Variants in KLHL8 observed in about 807,000 individuals in gnomAD.
KLHL8 encodes kelch-like protein 8.
KLHL8 carries 38 observed loss-of-function variants against 63.5 expected under a neutral mutation model. The ratio of observed to expected loss-of-function variants is 0.60; its 90% CI spans 0.46 to 0.78. KLHL8 has a LOEUF of 0.78. Ranked by LOEUF, KLHL8 falls within the 30% of genes least tolerant of loss-of-function variation. KLHL8 has a pLI of 0.00. For synonymous variants in KLHL8, 224 were observed against 254.3 expected (o/e 0.88, Z 1.13); for missense variants, 566 against 752.4 (o/e 0.75, Z 2.90).
chr4:87,192,235 G>A (rs1022631722), intron 2 of KLHL8, among the ~76,000 whole-genome samples: 3 of 152,148 alleles, frequency 2.0e-5, no homozygotes, highest in African/African-American at 7.2e-5. Flanking sequence ...CACCAACAGT[G>A]TATAAGTGTT....
chr4:87,163,666 T>G, intron 9 of KLHL8, 24 bp from the exon 10 acceptor site: 1 of 1,611,554 alleles, frequency 6.2e-7, no homozygotes, highest in South Asian at 1.1e-5. Flanking sequence ...GAAGAAAAAA[T>G]GTTACAAAGC....
intron 8 of KLHL8, among the ~76,000 whole-genome samples, chr4:87,166,026 CAT>C (rs1428912014): frequency 6.6e-6 from 1 of 152,158 alleles, no homozygotes; most frequent in Non-Finnish European, 1.5e-5. Context: ...ACATATAACA[CAT>C]GTCAATGCCT....
chr4:87,186,360 G>T (rs1731254060), intron 2 of KLHL8, among the ~76,000 whole-genome samples: 2 of 151,618 alleles, frequency 1.3e-5, no homozygotes, highest in African/African-American at 4.9e-5. Flanking sequence ...TTTTATATAT[G>T]TATCTGTAAC....
Position 87,185,664 on chromosome 4 carries a change from T to C in KLHL8, c.352A>G (p.Ile118Val), listed in dbSNP as rs771991621. The change falls in exon 3 of 10, where the codon ATA becomes GTA. Residue 118 changes from isoleucine to valine, a missense_variant. Physicochemically the swap from Ile to Val is conservative, Grantham distance 29 (BLOSUM62 3). Transcript: ENST00000273963. ...IEIRDFDGDA[I>V]EDLVKFVYSS... ...TAGACAAACTTTACCAAGTCTTCTA[T>C]TGCATCACCATCAAAATCTCTAATC... 1.5e-5 allele frequency: 25 copies of C among 1,614,202 alleles called. No homozygotes were observed. Among genetic ancestry groups the C allele is most frequent in the Non-Finnish European group, 1.8e-5 (21 of 1,180,036 alleles).
At chr4:87,207,986 T>G (rs144616674) in intron 1 of KLHL8, 1 of 753,490 alleles carries the variant, frequency 1.3e-6, no homozygotes, top group African/African-American at 1.7e-5. Flanking sequence ...AGGGCTGGCA[T>G]TGCCCTCAAC....
chr4:87,198,398 T>C (rs1187368277), intron 1 of KLHL8, among the ~76,000 whole-genome samples: 4 of 152,228 alleles, frequency 2.6e-5, no homozygotes, highest in Admixed American at 2.6e-4. Flanking sequence ...CTGAGTAAGA[T>C]GGTTGATTTA....
intron 1 of KLHL8, among the ~76,000 whole-genome samples, chr4:87,233,562 ACT>A (rs1733173767): frequency 6.6e-6 from 1 of 152,010 alleles, no homozygotes; most frequent in African/African-American, 2.4e-5. Flanking sequence ...ACAGAGTGAG[ACT>A]CTCTCAAAAA....
intron 2 of KLHL8, among the ~76,000 whole-genome samples, chr4:87,186,649 T>C (rs1731270450): frequency 6.6e-6 from 1 of 151,928 alleles, no homozygotes; most frequent in South Asian, 2.1e-4. Context: ...CAGCTAATTT[T>C]TGTATTTTTC....
chr4:87,181,285 A>G (rs1009245763), intron 4 of KLHL8, among the ~76,000 whole-genome samples: 23 of 101,400 alleles, frequency 2.3e-4, no homozygotes, highest in South Asian at 1.9e-3. Context: ...AAAAAAAAAG[A>G]AAAAAAAAAA....
chr4:87,203,223 G>A (rs538543779), intron 1 of KLHL8, among the ~76,000 whole-genome samples: 2 of 152,226 alleles, frequency 1.3e-5, no homozygotes, highest in South Asian at 2.1e-4. Context: ...GAACTAGTAA[G>A]TTTAGCAAGG....
intron 4 of KLHL8, among the ~76,000 whole-genome samples, chr4:87,181,925 A>T (rs1731066207): frequency 6.6e-6 from 1 of 152,114 alleles, no homozygotes; most frequent in South Asian, 2.1e-4. Flanking sequence ...AAAGCTATAC[A>T]ACTAAAAAAA....
intron 1 of KLHL8, among the ~76,000 whole-genome samples, chr4:87,214,002 A>G (rs1732498774): frequency 6.6e-6 from 1 of 152,184 alleles, no homozygotes; most frequent in South Asian, 2.1e-4. Context: ...TATATAAAGT[A>G]TTTAGCTCTG....
chr4:87,185,673 C>T lies in KLHL8; in HGVS notation c.343G>A (p.Gly115Ser), dbSNP rs1446777669. ...TTTACCAAGTCTTCTATTGCATCACCATCAAAATCTCTAATCTCAATCAGC... is the reference window on the plus strand; with the variant it reads ...TTTACCAAGTCTTCTATTGCATCACTATCAAAATCTCTAATCTCAATCAGC... ...QTLIEIRDFD[G>S]DAIEDLVKFV... The change falls in exon 3 of 10, where the codon GGT (glycine) becomes AGT (serine). Residue 115 changes from glycine (G) to serine (S), a missense_variant. By Grantham distance (56) the Gly-to-Ser change is moderately conservative (BLOSUM62 0). Transcript: ENST00000273963. 1 of 1,614,008 alleles carries T rather than the reference C, an allele frequency of 6.2e-7. No individual in the cohort carries two copies. The highest frequency in any genetic ancestry group is 2.2e-5 in the East Asian group (1 of 44,894).
At chr4:87,219,092 A>AT (rs1732717904) in intron 1 of KLHL8, among the ~76,000 whole-genome samples, 1 of 152,170 alleles carries the variant, frequency 6.6e-6, no homozygotes, top group Non-Finnish European at 1.5e-5. Flanking sequence ...CTTGAAAGCA[A>AT]TTTTTTTAAA....
upstream of KLHL8, among the ~76,000 whole-genome samples, chr4:87,223,648 C>T (rs1307023207): frequency 6.6e-6 from 1 of 151,872 alleles, no homozygotes; most frequent in African/African-American, 2.4e-5. Flanking sequence ...TTTATTGGGG[C>T]AGAGGAGTCT....
chr4:87,179,158 T>A (rs1730951069), intron 4 of KLHL8, among the ~76,000 whole-genome samples: 1 of 152,086 alleles, frequency 6.6e-6, no homozygotes, highest in Non-Finnish European at 1.5e-5. Context: ...CTAAGCCACA[T>A]CTCCACTTGA....
chr4:87,195,557 T>C lies in KLHL8; in HGVS notation c.-18A>G. 1 of 1,590,242 alleles carries C rather than the reference T, an allele frequency of 6.3e-7. No individual in the cohort carries two copies. The highest frequency in any genetic ancestry group is 8.6e-7 in the Non-Finnish European group (1 of 1,160,698). On this transcript the variant is annotated 5_prime_UTR_variant, in exon 2 of 10. It removes the in-frame stop codon of an upstream open reading frame in the 5' UTR. Coordinates refer to ENST00000273963, the MANE Select transcript of KLHL8 (RefSeq NM_020803.5). ...GAAGCCATTTGCAATATTCCTCTTT[T>C]AATAGAGCTCTCTTCTCAAACATGC...
Position 87,161,004 on chromosome 4 carries a change from A to G in KLHL8, c.*2515T>C, listed in dbSNP as rs1730140767. On this transcript the variant is annotated 3_prime_UTR_variant, in exon 10 of 10. Coordinates refer to ENST00000273963, the MANE Select transcript of KLHL8 (RefSeq NM_020803.5). The stretch of plus-strand genomic sequence containing the variant: ...CTCAATAAACGTGTTTTTGCCTGAT[A>G]AAGAGAACTGTGCACATATTGATTC... 6.6e-6 allele frequency: 1 copy of G among 151,802 alleles called. No homozygotes were observed. The highest frequency in any genetic ancestry group is 2.4e-5 in the African/African-American group (1 of 41,314). The allele number at this position is 151,802 out of a possible 1,614,324, so 9.4% of individuals were successfully genotyped here.
chr4:87,231,962 C>T (rs139118345), intron 1 of KLHL8, among the ~76,000 whole-genome samples: 16 of 152,280 alleles, frequency 1.1e-4, no homozygotes, highest in African/African-American at 3.8e-4. Context: ...TTTCTATAAC[C>T]ATGAATCTAA....
Sources: gnomAD v4.1 joint callset for allele counts (sites outside exome capture counted in the v4.1 genomes callset) on GRCh38, gnomAD v4.1.1 for gene constraint, MANE v1.5 for transcripts, NCBI Gene and HGNC (gene_info 2026-07-23, HGNC 2026-07-21) for gene names.